The following TRDN variants were observed in gnomAD, a reference collection of about 807,000 sequenced individuals.
TRDN encodes triadin.
In TRDN, 161 loss-of-function variants were observed where a neutral mutation model predicts 149.7. That is an observed-to-expected ratio of 1.08 (90% CI 0.95 to 1.23). TRDN has a LOEUF of 1.23. Among genes scored for constraint, TRDN ranks in the 50% most tolerant of loss-of-function variants. TRDN has a pLI of 0.00. For missense variants in TRDN, 896 were observed against 823.5 expected (o/e 1.09, Z -1.08); for synonymous variants, 294 against 250.5 (o/e 1.17, Z -1.64).
At chr6:123,537,118 T>A (rs1280173637) in intron 4 of TRDN, among the ~76,000 whole-genome samples, 1 of 152,138 alleles carries the variant, frequency 6.6e-6, no homozygotes, top group Non-Finnish European at 1.5e-5. Context: ...TAATAAAATG[T>A]TAATAAAATA....
chr6:123,263,462 GA>G (rs1281732732), intron 33 of TRDN, among the ~76,000 whole-genome samples: 1 of 152,018 alleles, frequency 6.6e-6, no homozygotes, highest in Non-Finnish European at 1.5e-5. Context: ...AAGTTATCCA[GA>G]TCTAGCTAAG....
At chr6:123,437,089 A>G (rs1381362488) in intron 12 of TRDN, among the ~76,000 whole-genome samples, 19 of 152,292 alleles carry the variant, frequency 1.2e-4, no homozygotes, top group African/African-American at 4.6e-4. Flanking sequence ...TAGAAACAGA[A>G]CAAAATTTAA....
At chr6:123,242,004 C>T (rs576977672) in intron 38 of TRDN, among the ~76,000 whole-genome samples, 16 of 152,126 alleles carry the variant, frequency 1.1e-4, no homozygotes, top group Non-Finnish European at 1.9e-4. Flanking sequence ...AATGTTGACT[C>T]CCAGACTACA....
At chr6:123,608,954 C>CA (rs1415102912) in intron 1 of TRDN, among the ~76,000 whole-genome samples, 7 of 151,994 alleles carry the variant, frequency 4.6e-5, no homozygotes, top group Non-Finnish European at 1.0e-4. Context: ...AGGCAGATCA[C>CA]TTGAGGTCAG....
At chr6:123,461,656 C>T (rs1345667506) in intron 10 of TRDN, among the ~76,000 whole-genome samples, 2 of 152,142 alleles carry the variant, frequency 1.3e-5, no homozygotes, top group Non-Finnish European at 2.9e-5. Context: ...TTTCTGCCTT[C>T]CTTGGTAATC....
chr6:123,410,790 C>A lies in TRDN; in HGVS notation c.1052-17113G>T, dbSNP rs562245790. On this transcript the variant is annotated intron_variant, in intron 12 of 40. Coordinates refer to ENST00000334268, the MANE Select transcript of TRDN (RefSeq NM_006073.4). ...TTAAAAGGAAGACAGAGATGAAAGT[C>A]TGAATCTTTCCAAAGGTTGTAGCCT... 2.0e-3 allele frequency among the ~76,000 whole-genome samples: 305 copies of A among 151,970 alleles called. 3 individuals carry two copies. Among genetic ancestry groups the A allele is most frequent in the Non-Finnish European group, 3.1e-3 (209 of 68,000 alleles).
rs970006129 is a variant in TRDN at position 123,521,397 on chromosome 6, G to T, written c.485-5191C>A. Reference sequence around the variant, plus strand: ...GGTCCAGAGAAGGATATGCACAGAGGGAATGCATATCCTGTGAAAAGACAG... The same window carrying T: ...GGTCCAGAGAAGGATATGCACAGAGTGAATGCATATCCTGTGAAAAGACAG... On this transcript the variant is annotated intron_variant, in intron 5 of 40. Transcript: ENST00000334268. Among the ~76,000 whole-genome samples, 7 of 152,102 alleles carry T rather than the reference G, an allele frequency of 4.6e-5. No individual in the cohort carries two copies. In the South Asian group the frequency reaches 1.5e-3, roughly 32 times the overall value.
In TRDN at chr6:123,252,442, A is replaced by T; in HGVS notation, c.1952-7T>A. 1 of 1,496,794 alleles carries T rather than the reference A, an allele frequency of 6.7e-7. No homozygotes were observed. 92.7% of individuals were successfully genotyped at this position (1,496,794 alleles called of 1,614,324 possible). ...ACTCTTGCAGGTTTTTCTGCTAAAAAGAGAAAATAAATAAGTTTTGTTTAA... is the reference window on the plus strand; with the variant it reads ...ACTCTTGCAGGTTTTTCTGCTAAAATGAGAAAATAAATAAGTTTTGTTTAA... On this transcript the variant is annotated splice_region_variant and splice_polypyrimidine_tract_variant and intron_variant, in intron 37 of 40. Transcript: ENST00000334268.
chr6:123,457,893 C>T (rs1475571415), intron 10 of TRDN, among the ~76,000 whole-genome samples: 9 of 152,094 alleles, frequency 5.9e-5, no homozygotes, highest in Admixed American at 5.2e-4. Context: ...CCCAAGCCTC[C>T]GCCATCACAG....
chr6:123,224,096 T>C lies in TRDN; in HGVS notation c.2011A>G (p.Lys671Glu). Residue 671 changes from lysine (K) to glutamate (E), a missense_variant, in exon 39 of 41, where the codon AAA becomes GAA. Physicochemically the swap from Lys to Glu is moderately conservative, Grantham distance 56 (BLOSUM62 1). Coordinates refer to ENST00000334268, the MANE Select transcript of TRDN (RefSeq NM_006073.4). ...VEDVPASKKA[K>E]EGTEDVSPTK... is the part of the protein sequence containing the mutation. ...GATCCAAAGACAGCAAACTCACCTTTAGCTTTCTTTGAAGCTGGTACATCT... is the reference window on the plus strand; with the variant it reads ...GATCCAAAGACAGCAAACTCACCTTCAGCTTTCTTTGAAGCTGGTACATCT... 6.2e-7 allele frequency: 1 copy of C among 1,610,306 alleles called. No individual in the cohort carries two copies. The highest frequency in any genetic ancestry group is 1.1e-5 in the South Asian group (1 of 90,890).
At chr6:123,387,626 C>G (rs1017649625) in intron 14 of TRDN, among the ~76,000 whole-genome samples, 3 of 151,968 alleles carry the variant, frequency 2.0e-5, no homozygotes, top group African/African-American at 4.8e-5. Context: ...CTTATAGAAC[C>G]ACTGAAAAGA....
At chr6:123,331,586 A>G (rs1779660861) in intron 23 of TRDN, among the ~76,000 whole-genome samples, 2 of 152,120 alleles carry the variant, frequency 1.3e-5, no homozygotes, top group South Asian at 4.1e-4. Flanking sequence ...CGCTCTTTGG[A>G]TATTTATAAA....
chr6:123,369,210 T>C (rs544062141), intron 19 of TRDN, among the ~76,000 whole-genome samples: 3 of 152,156 alleles, frequency 2.0e-5, no homozygotes, highest in African/African-American at 7.2e-5. Flanking sequence ...GGCAGTCTTC[T>C]GTATGCATCT....
At chr6:123,246,622 G>T (rs190965378) in intron 38 of TRDN, among the ~76,000 whole-genome samples, 1 of 151,468 alleles carries the variant, frequency 6.6e-6, no homozygotes, top group African/African-American at 2.4e-5. Context: ...AAAGGCCCAC[G>T]AGCAGATGGA....
At chr6:123,468,701 C>A (rs149689013) in intron 9 of TRDN, 1 of 152,120 alleles carries the variant, frequency 6.6e-6, no homozygotes, top group Admixed American at 6.5e-5. Context: ...TCTTTATGAA[C>A]GAGATTCCCT....
chr6:123,446,178 T>C (rs1320491122), intron 10 of TRDN, among the ~76,000 whole-genome samples: 4 of 150,352 alleles, frequency 2.7e-5, no homozygotes, highest in Non-Finnish European at 5.9e-5. Context: ...TAGGTGGGAA[T>C]TGAACAATGA....
intron 10 of TRDN, among the ~76,000 whole-genome samples, chr6:123,459,113 C>T (rs1359283660): frequency 2.6e-5 from 4 of 152,192 alleles, no homozygotes; most frequent in South Asian, 2.1e-4. Context: ...ATCTATATCT[C>T]CCTCATTTGT....
At chr6:123,635,968 T>G (rs1786290180) in intron 1 of TRDN, among the ~76,000 whole-genome samples, 1 of 151,906 alleles carries the variant, frequency 6.6e-6, no homozygotes, top group Non-Finnish European at 1.5e-5. Flanking sequence ...AAGATATGTA[T>G]TATAGTATGT....
At chr6:123,594,751 CA>C (rs34009631) in intron 1 of TRDN, among the ~76,000 whole-genome samples, 47,629 of 151,156 alleles carry the variant, frequency 0.32, 7,884 homozygotes, top group East Asian at 0.64. Flanking sequence ...TATGAAATGC[CA>C]AAAAAATGCA....
Sources: gnomAD v4.1 joint callset for allele counts (sites outside exome capture counted in the v4.1 genomes callset) on GRCh38, gnomAD v4.1.1 for gene constraint, MANE v1.5 for transcripts, NCBI Gene and HGNC (gene_info 2026-07-23, HGNC 2026-07-21) for gene names.